FMO5: variants seen among roughly 807,000 people sequenced by gnomAD.
FMO5 encodes the protein flavin containing dimethylaniline monoxygenase 5.
A neutral mutation model predicts 43.6 loss-of-function variants in FMO5; 51 were observed. That is an observed-to-expected ratio of 1.17 (90% CI 0.93 to 1.48). FMO5 has a LOEUF of 1.48. Ranked by LOEUF, FMO5 falls within the 40% of genes most tolerant of loss-of-function variation. The probability of loss-of-function intolerance (pLI) is 0.00; values close to 1 mark genes in which losing one functional copy is unlikely to be tolerated. For synonymous variants in FMO5, 187 were observed against 216.5 expected (o/e 0.86, Z 1.20); for missense variants, 644 against 643.0 (o/e 1.00, Z -0.02).
At chr1:147,186,200 T>G (rs1211543540), downstream of FMO5, 1 of 460,324 alleles carries the variant, frequency 2.2e-6, no homozygotes, top group Non-Finnish European at 2.9e-6. Flanking sequence ...CCCAAAATTC[T>G]CAACCAAGTT....
rs28381184 is a variant in FMO5, at chr1:147,213,210, T to C, written c.487+98A>G. 3.8e-3 allele frequency: 3,782 copies of C among 1,005,390 alleles called. 114 individuals carry two copies. In the African/African-American group the frequency reaches 0.057, roughly 15 times the overall value. 62.3% of individuals were successfully genotyped at this position (1,005,390 alleles called of 1,614,324 possible). On this transcript the variant is annotated intron_variant, in intron 4 of 8. Coordinates refer to ENST00000254090, the MANE Select transcript of FMO5 (RefSeq NM_001461.4). ...AATAATTAGGATAAGTCTTACTTCA[T>C]TCCAAAGTAGGAATTACTCAGACCA...
chr1:147,199,433 G>A (rs1658607695), intron 7 of FMO5, among the ~76,000 whole-genome samples: 2 of 152,144 alleles, frequency 1.3e-5, no homozygotes, highest in African/African-American at 4.8e-5. Flanking sequence ...AAAAAAGCTG[G>A]AGGAATTAGC....
At chr1:147,206,106 G>A (rs1178403215) in intron 6 of FMO5, among the ~76,000 whole-genome samples, 1 of 150,580 alleles carries the variant, frequency 6.6e-6, no homozygotes, top group African/African-American at 2.5e-5. Context: ...AGTGGGTGAA[G>A]GATATGAACA....
At chr1:147,208,643 T>C (rs1275872295) in intron 6 of FMO5, 2 of 433,920 alleles carry the variant, frequency 4.6e-6, no homozygotes, top group Non-Finnish European at 8.6e-6. Context: ...TTCACCGTGT[T>C]GGCCAGGATG....
chr1:147,192,924 T>C (rs1553918907), intron 7 of FMO5, among the ~76,000 whole-genome samples: 1 of 152,172 alleles, frequency 6.6e-6, no homozygotes, highest in African/African-American at 2.4e-5. Flanking sequence ...CAGTATTTTA[T>C]TGAGGATTTT....
chr1:147,186,920 T>C lies in FMO5; in HGVS notation c.1582A>G (p.Ile528Val), dbSNP rs1341706049. Residue 528 changes from isoleucine to valine, a missense_variant, in exon 9 of 9, where the codon ATA (isoleucine) becomes GTA (valine). Coordinates refer to ENST00000254090, the MANE Select transcript of FMO5 (RefSeq NM_001461.4). ...KFMLALAFFA[I>V]IIAYF ...GACAACTAGAAGTAAGCTATAATTA[T>C]AGCAAAGAAGGCAAGAGCTAGCATA... 3 of 1,613,656 alleles carry C rather than the reference T, an allele frequency of 1.9e-6. No individual in the cohort carries two copies. The highest frequency in any genetic ancestry group is 2.2e-5 in the East Asian group (1 of 44,896).
chr1:147,204,826 C>T (rs1659680174), intron 6 of FMO5: 3 of 1,603,254 alleles, frequency 1.9e-6, no homozygotes, highest in South Asian at 2.2e-5. Flanking sequence ...AAGCTCCTTG[C>T]AAGCTTGTAT....
intron 7 of FMO5, among the ~76,000 whole-genome samples, chr1:147,195,202 C>T (rs587738808): frequency 4.3e-4 from 65 of 152,204 alleles, no homozygotes; most frequent in Middle Eastern, 3.4e-3. Flanking sequence ...ATGCTTTGTT[C>T]GTTTCTTTTT....
At chr1:147,223,830 A>G in intron 2 of FMO5, 1 of 301,710 alleles carries the variant, frequency 3.3e-6, no homozygotes. Flanking sequence ...CCAAACAGCT[A>G]CTGACTGCTT....
At position 147,213,549 on chromosome 1, in the gene FMO5, C is replaced by T. The variant is rs912871898; in HGVS notation, c.325-79G>A. The T allele has an allele frequency of 3.4e-5, 42 of 1,250,912 alleles. 1 individual carries two copies. In the South Asian group the frequency reaches 7.0e-4, roughly 21 times the overall value. The allele number at this position is 1,250,912 out of a possible 1,614,324, so 77.5% of individuals were successfully genotyped here. A position where few individuals can be genotyped will look rare whatever the true frequency, so the allele number is the denominator to read the frequency against. On this transcript the variant is annotated intron_variant, in intron 3 of 8. Transcript: ENST00000254090. The stretch of plus-strand genomic sequence containing the variant: ...ATAGTGTTACACAAAGGGCTGATAT[C>T]ACAGACACTATCACATAATAGGACC...
chr1:147,204,141 A>C, intron 6 of FMO5: 1 of 1,074,450 alleles, frequency 9.3e-7, no homozygotes, highest in East Asian at 2.4e-5. Flanking sequence ...AAATTCATCA[A>C]TTCTTCATCA....
At chr1:147,192,230 C>T (rs1450656795) in intron 7 of FMO5, among the ~76,000 whole-genome samples, 7 of 151,976 alleles carry the variant, frequency 4.6e-5, no homozygotes, top group Non-Finnish European at 1.0e-4. Flanking sequence ...CCTTCACATC[C>T]CTTGTAAGTT....
At chr1:147,212,604 G>T (rs1021501740) in intron 4 of FMO5, 69 bp from the exon 5 acceptor site, 22 of 1,431,166 alleles carry the variant, frequency 1.5e-5, no homozygotes, top group African/African-American at 1.2e-4. Context: ...CAAGTCATTT[G>T]TTTTTTTTGC....
intron 5 of FMO5, chr1:147,210,059 C>T (rs1431010510): frequency 6.6e-6 from 1 of 152,242 alleles, no homozygotes; most frequent in South Asian, 2.1e-4. Flanking sequence ...TGTGCTAGGT[C>T]CTTCATCTAT....
chr1:147,190,111 C>T (rs587634687), intron 8 of FMO5, 66 bp downstream of exon 8: 12 of 1,101,158 alleles, frequency 1.1e-5, no homozygotes, highest in East Asian at 2.4e-5. Context: ...AAATACAGTA[C>T]AATATTTCTT....
downstream of FMO5, chr1:147,184,437 A>G (rs1336763719): frequency 9.3e-6 from 13 of 1,395,998 alleles, no homozygotes; most frequent in Non-Finnish European, 1.2e-5. This position sits in a 1 kb window ranked among gnomAD's most constrained non-coding sequence, Gnocchi z 4.4. Flanking sequence ...ATTTTTACTT[A>G]AAGTTCTTTT....
chr1:147,200,284 T>G (rs1241977611), intron 7 of FMO5, among the ~76,000 whole-genome samples: 1 of 152,212 alleles, frequency 6.6e-6, no homozygotes. Flanking sequence ...CCATGTGCCT[T>G]CCCTTCAGAT....
At chr1:147,193,567 C>G (rs1553919034) in intron 7 of FMO5, among the ~76,000 whole-genome samples, 2 of 152,000 alleles carry the variant, frequency 1.3e-5, no homozygotes, top group Non-Finnish European at 2.9e-5. Context: ...TGTGTTTGCT[C>G]TTGCTTTTCT....
chr1:147,190,537 T>C (rs1210994762), intron 7 of FMO5, among the ~76,000 whole-genome samples: 1 of 152,076 alleles, frequency 6.6e-6, no homozygotes, highest in Admixed American at 6.5e-5. Flanking sequence ...AAATGAAATA[T>C]GGACATGAGA....
Sources: allele counts gnomAD v4.1 joint callset (sites outside exome capture counted in the v4.1 genomes callset), GRCh38; gene constraint gnomAD v4.1.1; non-coding constraint Gnocchi (gnomAD v3.1); transcripts MANE v1.5; gene names NCBI Gene and HGNC (gene_info 2026-07-23, HGNC 2026-07-21).